The following DNAJC6 variants were observed in gnomAD, a reference collection of about 807,000 sequenced individuals.
DNAJC6 encodes DnaJ heat shock protein family (Hsp40) member C6.
DNAJC6 carries 34 observed loss-of-function variants against 110.0 expected under a neutral mutation model. The ratio of observed to expected loss-of-function variants is 0.31; its 90% CI spans 0.24 to 0.41. The LOEUF (loss-of-function observed/expected upper bound fraction) is 0.41, where lower values mean the gene tolerates loss of function less well. Among genes scored for constraint, DNAJC6 ranks in the 10% least tolerant of loss-of-function variants. The pLI is 1.00. For synonymous variants in DNAJC6, 406 were observed against 437.2 expected (o/e 0.93, Z 0.89); for missense variants, 1,031 against 1,207.8 (o/e 0.85, Z 2.17).
intron 1 of DNAJC6, among the ~76,000 whole-genome samples, chr1:65,339,331 G>A (rs1229756351): frequency 6.6e-6 from 1 of 152,160 alleles, no homozygotes; most frequent in Non-Finnish European, 1.5e-5. Flanking sequence ...AGGCCACACA[G>A]CTCCAACTCT....
intron 1 of DNAJC6, among the ~76,000 whole-genome samples, chr1:65,313,257 T>G (rs1243911986): frequency 2.0e-5 from 3 of 151,532 alleles, no homozygotes; most frequent in Admixed American, 6.6e-5. Flanking sequence ...TGGGGTTTTT[T>G]GCCATGTTGC....
rs564530343 is a variant in DNAJC6 at position 65,318,258 on chromosome 1, A to G, written c.193+8320A>G. Among the ~76,000 whole-genome samples, 4 of 152,356 alleles carry G rather than the reference A, an allele frequency of 2.6e-5. No homozygotes were observed. In the South Asian group the frequency reaches 8.3e-4, roughly 32 times the overall value. ...AAAAATCAGAATAAAATAAATAAGT[A>G]TAACAATAATGAATTCATCTTTATT... On this transcript the variant is annotated intron_variant, in intron 1 of 18. Coordinates refer to ENST00000371069, the MANE Select transcript of DNAJC6 (RefSeq NM_001256864.2).
intron 1 of DNAJC6, among the ~76,000 whole-genome samples, chr1:65,349,472 C>G (rs1645470902): frequency 6.6e-6 from 1 of 152,108 alleles, no homozygotes; most frequent in Admixed American, 6.6e-5. Flanking sequence ...GCCCTTAAGG[C>G]TGAAGAACTC....
At chr1:65,315,527 G>A (rs1645141428) in intron 1 of DNAJC6, among the ~76,000 whole-genome samples, 1 of 152,084 alleles carries the variant, frequency 6.6e-6, no homozygotes, top group Non-Finnish European at 1.5e-5. Flanking sequence ...GTATATGTAT[G>A]TGTATACCAT....
chr1:65,343,092 T>G (rs1645404641), intron 1 of DNAJC6, among the ~76,000 whole-genome samples: 1 of 152,178 alleles, frequency 6.6e-6, no homozygotes, highest in South Asian at 2.1e-4. Context: ...CGGTCTCACC[T>G]CTCACCCCTC....
At chr1:65,373,581 G>T (rs7540895) in intron 4 of DNAJC6, among the ~76,000 whole-genome samples, 37,849 of 150,828 alleles carry the variant, frequency 0.25, 8,187 homozygotes, top group East Asian at 0.61. Flanking sequence ...TGTCTTCTTT[G>T]GAAGATCTGT....
chr1:65,368,112 G>T (rs1027077551), intron 4 of DNAJC6, among the ~76,000 whole-genome samples: 1 of 152,136 alleles, frequency 6.6e-6, no homozygotes, highest in Non-Finnish European at 1.5e-5. Flanking sequence ...AGACACCTAA[G>T]CCTAGTTGGC....
intron 1 of DNAJC6, among the ~76,000 whole-genome samples, chr1:65,341,022 C>T (rs1034106962): frequency 1.3e-5 from 2 of 152,140 alleles, no homozygotes; most frequent in African/African-American, 2.4e-5. Context: ...TTGCCAGACC[C>T]CTTAGCTTGG....
At chr1:65,300,303 T>C (rs1211238221) in intron 1 of DNAJC6, among the ~76,000 whole-genome samples, 1 of 152,142 alleles carries the variant, frequency 6.6e-6, no homozygotes, top group Non-Finnish European at 1.5e-5. Context: ...GGTTAACTCA[T>C]GGTCCAAGTA....
chr1:65,273,049 G>T (rs750049277), intron 1 of DNAJC6, among the ~76,000 whole-genome samples: 1 of 151,952 alleles, frequency 6.6e-6, no homozygotes, highest in African/African-American at 2.4e-5. Context: ...TATTGTCCTG[G>T]TAATTCTCAC....
At chr1:65,381,489 C>T (rs1045698663) in intron 5 of DNAJC6, among the ~76,000 whole-genome samples, 2 of 151,090 alleles carry the variant, frequency 1.3e-5, no homozygotes, top group African/African-American at 4.9e-5. Flanking sequence ...GCGGAGGTTG[C>T]AGTGGGCTGA....
In DNAJC6 at chr1:65,401,865, G is replaced by C. The variant is rs140156759; in HGVS notation, c.2212G>C (p.Asp738His). The change falls in exon 15 of 19, where the codon GAC becomes CAC. Residue 738 changes from aspartate to histidine, a missense_variant. Asp to His is a moderately conservative substitution (Grantham distance 81). Coordinates refer to ENST00000371069, the MANE Select transcript of DNAJC6 (RefSeq NM_001256864.2). ...ACCCCAGACTCTGGATCCTTTTGCC[G>C]ACCTTGGGACACTAGGTACAAACTC... ...SKPQTLDPFADLGTLGSSSFA... is the reference protein window; with the variant it reads ...SKPQTLDPFAHLGTLGSSSFA... 2 of 1,613,424 alleles carry C rather than the reference G, an allele frequency of 1.2e-6. No homozygotes were observed. The highest frequency in any genetic ancestry group is 1.7e-6 in the Non-Finnish European group (2 of 1,179,858).
chr1:65,389,211 T>C, intron 9 of DNAJC6, 45 bp from the exon 10 acceptor site: 2 of 1,555,084 alleles, frequency 1.3e-6, no homozygotes, highest in Non-Finnish European at 1.8e-6. Flanking sequence ...TCATACCAGT[T>C]CCATTGTTTT....
intron 15 of DNAJC6, among the ~76,000 whole-genome samples, chr1:65,404,302 C>T (rs922972977): frequency 5.9e-5 from 9 of 152,210 alleles, no homozygotes; most frequent in Non-Finnish European, 8.8e-5. Flanking sequence ...TAATATATAA[C>T]GTCTCTTTGT....
At position 65,346,293 on chromosome 1, in the gene DNAJC6, C is replaced by T. The variant is rs143149190; in HGVS notation, c.194-18342C>T. On this transcript the variant is annotated intron_variant, in intron 1 of 18. Coordinates refer to ENST00000371069, the MANE Select transcript of DNAJC6 (RefSeq NM_001256864.2). Reference sequence around the variant, plus strand: ...ATGGAATACTTGCTTTTGAAATATGCCCTAAAGAGTGTGCTATCCCTGGGG... The same window carrying T: ...ATGGAATACTTGCTTTTGAAATATGTCCTAAAGAGTGTGCTATCCCTGGGG... 1.8e-3 allele frequency among the ~76,000 whole-genome samples: 267 copies of T among 152,268 alleles called. 3 individuals carry two copies. The highest frequency in any genetic ancestry group is 5.7e-3 in the African/African-American group (238 of 41,556).
At chr1:65,396,636 C>T (rs946701723) in intron 13 of DNAJC6, among the ~76,000 whole-genome samples, 3 of 152,206 alleles carry the variant, frequency 2.0e-5, no homozygotes, top group African/African-American at 7.2e-5. Flanking sequence ...ACTCGTCTCC[C>T]TGCCCTACTC....
At chr1:65,349,541 A>G (rs1398487013) in intron 1 of DNAJC6, among the ~76,000 whole-genome samples, 6 of 152,150 alleles carry the variant, frequency 3.9e-5, no homozygotes, top group African/African-American at 1.4e-4. Context: ...TGTTTTTAAT[A>G]TAAAATTTTG....
At chr1:65,268,353 GAAAT>G (rs2101151466) in intron 1 of DNAJC6, among the ~76,000 whole-genome samples, 1 of 152,302 alleles carries the variant, frequency 6.6e-6, no homozygotes, top group East Asian at 1.9e-4. Flanking sequence ...CCAGGAAAAA[GAAAT>G]TAAGTATAAG....
intron 1 of DNAJC6, among the ~76,000 whole-genome samples, chr1:65,288,036 G>T (rs1241765166): frequency 2.0e-5 from 3 of 152,140 alleles, no homozygotes; most frequent in Non-Finnish European, 2.9e-5. Flanking sequence ...ACTCTGCCTG[G>T]TGTTCCCCTG....
Sources: allele counts gnomAD v4.1 joint callset (sites outside exome capture counted in the v4.1 genomes callset), GRCh38; gene constraint gnomAD v4.1.1; transcripts MANE v1.5; gene names NCBI Gene and HGNC (gene_info 2026-07-23, HGNC 2026-07-21).